Variants in ZMYM4 observed in about 807,000 individuals in gnomAD.
ZMYM4 encodes the protein zinc finger MYM-type containing 4.
A neutral mutation model predicts 183.2 loss-of-function variants in ZMYM4; 31 were observed. That is an observed-to-expected ratio of 0.17 (90% CI 0.13 to 0.23). The LOEUF is 0.23. Ranked by LOEUF, ZMYM4 falls within the 10% of genes least tolerant of loss-of-function variation. The probability of loss-of-function intolerance (pLI) is 1.00; values close to 1 mark genes in which losing one functional copy is unlikely to be tolerated. For synonymous variants in ZMYM4, 592 were observed against 631.2 expected, an observed-to-expected ratio of 0.94 and a Z score of 0.93; for missense variants, 1,273 against 1,840.3, an observed-to-expected ratio of 0.69 and a Z score of 5.64.
intron 2 of ZMYM4, among the ~76,000 whole-genome samples, chr1:35,329,085 C>T (rs1642626428): frequency 6.6e-6 from 1 of 152,108 alleles, no homozygotes; most frequent in South Asian, 2.1e-4. Flanking sequence ...ATAGTATTTA[C>T]TAATTATTGG....
At chr1:35,418,984 C>CT (rs1640229663) in intron 29 of ZMYM4, among the ~76,000 whole-genome samples, 2 of 152,120 alleles carry the variant, frequency 1.3e-5, no homozygotes, top group South Asian at 2.1e-4. Context: ...AGTTGTAACA[C>CT]TTTTTTTTCT....
intron 1 of ZMYM4, among the ~76,000 whole-genome samples, chr1:35,284,443 A>G (rs1640368804): frequency 6.6e-6 from 1 of 152,142 alleles, no homozygotes; most frequent in African/African-American, 2.4e-5. Flanking sequence ...TCTTTAATCC[A>G]TCTTGAGTTA....
intron 10 of ZMYM4, 103 bp from the exon 11 acceptor site, chr1:35,385,971 C>A: frequency 2.8e-6 from 2 of 726,986 alleles, no homozygotes; most frequent in Non-Finnish European, 4.2e-6. Context: ...ACAACTTACC[C>A]TGGCTCTTAA....
intron 1 of ZMYM4, among the ~76,000 whole-genome samples, chr1:35,321,589 C>CTGTGTG (rs141218579): frequency 3.4e-5 from 5 of 147,936 alleles, no homozygotes; most frequent in Admixed American, 1.3e-4. Flanking sequence ...ACTTTCAGAG[C>CTGTGTG]TGTGTGTGTG....
At chr1:35,368,907 G>A (rs922228703) in intron 5 of ZMYM4, among the ~76,000 whole-genome samples, 1 of 152,070 alleles carries the variant, frequency 6.6e-6, no homozygotes, top group African/African-American at 2.4e-5. Context: ...GCTCTTCATG[G>A]ACCTTGCATA....
intron 2 of ZMYM4, among the ~76,000 whole-genome samples, chr1:35,356,307 G>GAACTCACTA (rs1261199234): frequency 6.6e-6 from 1 of 152,124 alleles, no homozygotes; most frequent in Non-Finnish European, 1.5e-5. Context: ...ATGCACTATA[G>GAACTCACTA]AACTCATTGT....
intron 6 of ZMYM4, 91 bp downstream of exon 6, chr1:35,370,204 C>A: frequency 6.5e-7 from 1 of 1,538,978 alleles, no homozygotes; most frequent in South Asian, 1.2e-5. Flanking sequence ...CCAGGCAGCT[C>A]TCTCTACCCA....
At chr1:35,408,217 C>T (rs915678142) in intron 26 of ZMYM4, 58 bp downstream of exon 26, 3 of 1,591,314 alleles carry the variant, frequency 1.9e-6, no homozygotes, top group African/African-American at 2.7e-5. Context: ...CAGAATATGT[C>T]CCCACAGAAA....
intron 1 of ZMYM4, among the ~76,000 whole-genome samples, chr1:35,311,422 C>CAA (rs200102940): frequency 1.3e-4 from 10 of 78,430 alleles, no homozygotes; most frequent in African/African-American, 2.9e-4. Context: ...AACTCTGTCT[C>CAA]AAAAAAAAAA....
chr1:35,328,971 A>G (rs552852007), intron 2 of ZMYM4, among the ~76,000 whole-genome samples: 5 of 152,218 alleles, frequency 3.3e-5, no homozygotes, highest in African/African-American at 7.2e-5. Context: ...TAGACCTACC[A>G]TCTACTCATT....
chr1:35,323,906 T>C (rs1484039465), intron 1 of ZMYM4, among the ~76,000 whole-genome samples: 2 of 152,144 alleles, frequency 1.3e-5, no homozygotes, highest in Non-Finnish European at 2.9e-5. Flanking sequence ...GCCTAGCTCA[T>C]TGACTGGAAT....
intron 11 of ZMYM4, among the ~76,000 whole-genome samples, chr1:35,386,575 A>G (rs1644583086): frequency 6.6e-6 from 1 of 152,198 alleles, no homozygotes; most frequent in African/African-American, 2.4e-5. Context: ...CCGACTGGAC[A>G]TGAGATTTGG....
At chr1:35,326,360 C>T (rs572142926) in intron 2 of ZMYM4, among the ~76,000 whole-genome samples, 3 of 151,678 alleles carry the variant, frequency 2.0e-5, no homozygotes, top group Admixed American at 6.6e-5. Flanking sequence ...GGTGAATCAG[C>T]GAGTGATGGT....
rs190372923 is a variant in ZMYM4 at position 35,348,004 on chromosome 1, T to G, written c.86-10921T>G. On this transcript the variant is annotated intron_variant, in intron 2 of 29. Transcript: ENST00000314607. ...GGTAATTGCTGAATGTTTTATCAGT[T>G]TATATAGATACCTCTAATCTTCTTG... Among the ~76,000 whole-genome samples the G allele has an allele frequency of 1.6e-4, 24 of 152,308 alleles. No individual in the cohort carries two copies. In the East Asian group the frequency reaches 3.7e-3, roughly 23 times the overall value.
At chr1:35,351,518 C>T in intron 2 of ZMYM4, 1 of 1,302,986 alleles carries the variant, frequency 7.7e-7, no homozygotes, top group South Asian at 1.2e-5. Flanking sequence ...GTGGAACCAT[C>T]CCAAAATATC....
At chr1:35,377,277 C>T (rs1644356233) in intron 7 of ZMYM4, among the ~76,000 whole-genome samples, 1 of 152,142 alleles carries the variant, frequency 6.6e-6, no homozygotes, top group South Asian at 2.1e-4. Context: ...ACTAAATATC[C>T]TTCTCACTAA....
intron 1 of ZMYM4, among the ~76,000 whole-genome samples, chr1:35,286,818 C>G (rs1460506383): frequency 2.5e-5 from 2 of 80,618 alleles, no homozygotes; most frequent in Non-Finnish European, 4.5e-5. Context: ...TTTGTAGAGA[C>G]AGGGTCTCCA....
At chr1:35,368,495 A>G (rs180764519) in intron 5 of ZMYM4, among the ~76,000 whole-genome samples, 37 of 152,330 alleles carry the variant, frequency 2.4e-4, no homozygotes, top group Admixed American at 2.2e-3. Context: ...ATTATAATGT[A>G]CTTTTTGTAA....
intron 9 of ZMYM4, among the ~76,000 whole-genome samples, chr1:35,383,822 A>G (rs1644516628): frequency 1.3e-5 from 2 of 152,220 alleles, no homozygotes; most frequent in Non-Finnish European, 1.5e-5. Context: ...GCAGATCTAC[A>G]TTTAATTCTA....
Sources: allele counts gnomAD v4.1 joint callset (sites outside exome capture counted in the v4.1 genomes callset), GRCh38; gene constraint gnomAD v4.1.1; transcripts MANE v1.5; gene names NCBI Gene and HGNC (gene_info 2026-07-23, HGNC 2026-07-21).